The following MSL2 variants were observed in gnomAD, a reference collection of about 807,000 sequenced individuals.
MSL2 encodes MSL complex subunit 2, also known as E3 ubiquitin-protein ligase MSL2.
MSL2 carries 2 observed loss-of-function variants against 35.8 expected under a neutral mutation model. The ratio of observed to expected loss-of-function variants is 0.06; its 90% CI spans 0.02 to 0.18. The LOEUF (loss-of-function observed/expected upper bound fraction) is 0.18, where lower values mean the gene tolerates loss of function less well. Among genes scored for constraint, MSL2 ranks in the 10% least tolerant of loss-of-function variants. The pLI, the probability that MSL2 is intolerant of heterozygous loss-of-function variation, is 1.00. For missense variants in MSL2, 523 were observed against 706.7 expected, an observed-to-expected ratio of 0.74 and a Z score of 2.95; for synonymous variants, 296 against 255.7, an observed-to-expected ratio of 1.16 and a Z score of -1.50.
chr3:136,164,697 T>A (rs944758441), intron 1 of MSL2, among the ~76,000 whole-genome samples: 16 of 152,062 alleles, frequency 1.1e-4, no homozygotes, highest in African/African-American at 3.9e-4. Context: ...AAAAAATGCA[T>A]CTTATCCTAG....
intron 1 of MSL2, among the ~76,000 whole-genome samples, chr3:136,160,905 G>A (rs560462802): frequency 2.0e-5 from 3 of 151,496 alleles, no homozygotes; most frequent in Admixed American, 6.6e-5. Flanking sequence ...TGGCCGACAC[G>A]GTGAAACCCC....
intron 1 of MSL2, among the ~76,000 whole-genome samples, chr3:136,182,316 T>C (rs182113826): frequency 1.3e-4 from 20 of 152,364 alleles, no homozygotes; most frequent in Admixed American, 1.1e-3. Context: ...AGGTTTAGAA[T>C]GTGATCTTAT....
At chr3:136,178,988 T>TTTTTTTC (rs1553766938) in intron 1 of MSL2, among the ~76,000 whole-genome samples, 59 of 146,100 alleles carry the variant, frequency 4.0e-4, no homozygotes, top group African/African-American at 1.5e-3. Flanking sequence ...TCTTTTTTTT[T>TTTTTTTC]TTTTTTTTTT....
At chr3:136,193,927 G>C (rs1346347348) in intron 1 of MSL2, among the ~76,000 whole-genome samples, 2 of 152,212 alleles carry the variant, frequency 1.3e-5, no homozygotes, top group Non-Finnish European at 2.9e-5. Flanking sequence ...GATCTAGATA[G>C]AGAATGCTGG....
chr3:136,182,578 T>C (rs1295676881), intron 1 of MSL2, among the ~76,000 whole-genome samples: 2 of 152,014 alleles, frequency 1.3e-5, no homozygotes, highest in South Asian at 4.1e-4. Flanking sequence ...AAAGCTCCCC[T>C]GAATTGAGAA....
chr3:136,189,610 G>T (rs1439931612), intron 1 of MSL2, among the ~76,000 whole-genome samples: 2 of 150,942 alleles, frequency 1.3e-5, no homozygotes, highest in Non-Finnish European at 2.9e-5. Flanking sequence ...TGCAGTCCCA[G>T]CTACTCAGGA....
intron 1 of MSL2, among the ~76,000 whole-genome samples, chr3:136,161,625 A>T (rs1308860072): frequency 6.6e-6 from 1 of 152,242 alleles, no homozygotes; most frequent in East Asian, 1.9e-4. Context: ...TTATTGCATA[A>T]TTCCATTTAT....
At chr3:136,193,197 G>C (rs991580262) in intron 1 of MSL2, among the ~76,000 whole-genome samples, 2 of 152,136 alleles carry the variant, frequency 1.3e-5, no homozygotes, top group South Asian at 2.1e-4. Context: ...GTCCAGGTTA[G>C]AACTTGGGAA....
In MSL2 at chr3:136,149,209, G is replaced by A. The variant is rs573154155; in HGVS notation, c.*1938C>T. 2 of 151,956 alleles carry A rather than the reference G, an allele frequency of 1.3e-5. No homozygotes were observed. Among genetic ancestry groups the A allele is most frequent in the South Asian group, 4.2e-4 (2 of 4,796 alleles). The allele number at this position is 151,956 out of a possible 1,614,324, so 9.4% of individuals were successfully genotyped here. A position where few individuals can be genotyped will look rare whatever the true frequency, so the allele number is the denominator to read the frequency against. On this transcript the variant is annotated 3_prime_UTR_variant, in exon 2 of 2. Coordinates refer to ENST00000309993, the MANE Select transcript of MSL2 (RefSeq NM_018133.4). ...AAGATCATAATATTAGGAAAGTTTG[G>A]TCGATTTGCAAAATATATCCTCATC...
chr3:136,151,090 C>T lies in MSL2; in HGVS notation c.*57G>A. 6.4e-7 allele frequency: 1 copy of T among 1,560,798 alleles called. No individual in the cohort carries two copies. Among genetic ancestry groups the T allele is most frequent in the Non-Finnish European group, 8.7e-7 (1 of 1,146,464 alleles). On this transcript the variant is annotated 3_prime_UTR_variant, in exon 2 of 2. Coordinates refer to ENST00000309993, the MANE Select transcript of MSL2 (RefSeq NM_018133.4). This position sits in a 1 kb window ranked among gnomAD's most constrained non-coding sequence, Gnocchi z 5.2. ...GCAAGTTAAACCAACAGAACCATAG[C>T]TGCCGTAAAACTGTAGCTATTTCCC...
intron 1 of MSL2, among the ~76,000 whole-genome samples, chr3:136,170,337 G>A (rs1239244439): frequency 6.3e-5 from 7 of 111,114 alleles, no homozygotes; most frequent in Non-Finnish European, 1.3e-4. Context: ...TGGGAGACAA[G>A]AGCAAAAATC....
At chr3:136,167,651 G>A (rs1409657300) in intron 1 of MSL2, among the ~76,000 whole-genome samples, 1 of 151,998 alleles carries the variant, frequency 6.6e-6, no homozygotes, top group African/African-American at 2.4e-5. Context: ...GCCACTAACA[G>A]AAAGCAAAAA....
Position 136,150,008 on chromosome 3 carries a change from T to C in MSL2, c.*1139A>G, listed in dbSNP as rs1259766561. 4 of 152,644 alleles carry C rather than the reference T, an allele frequency of 2.6e-5. No individual in the cohort carries two copies. Among genetic ancestry groups the C allele is most frequent in the Non-Finnish European group, 5.9e-5 (4 of 68,044 alleles). The allele number at this position is 152,644 out of a possible 1,614,324, so 9.5% of individuals were successfully genotyped here. On this transcript the variant is annotated 3_prime_UTR_variant, in exon 2 of 2. Coordinates refer to ENST00000309993, the MANE Select transcript of MSL2 (RefSeq NM_018133.4). ...ACAGAATGTTTGTGACTCACTTGTC[T>C]TCCCCATAAAAATTAACCGGAAGAA...
Position 136,173,993 on chromosome 3 carries a change from A to C in MSL2, c.142+20979T>G, listed in dbSNP as rs142743926. ...TGCCTTGCATGGTCAATTCTTCTTC[A>C]AAAATCAATTCAAATATGACCTCCA... On this transcript the variant is annotated intron_variant, in intron 1 of 1. Transcript: ENST00000309993. Among the ~76,000 whole-genome samples, 19 of 152,288 alleles carry C rather than the reference A, an allele frequency of 1.2e-4. No homozygotes were observed. In the East Asian group the frequency reaches 3.5e-3, roughly 28 times the overall value.
Position 136,151,515 on chromosome 3 carries a change from G to A in MSL2, c.1366C>T (p.Pro456Ser). Residue 456 changes from proline (P) to serine (S), a missense_variant, in exon 2 of 2, where the codon CCC (proline) becomes TCC (serine). Transcript: ENST00000309993. This position sits in a 1 kb window ranked among gnomAD's most constrained non-coding sequence, Gnocchi z 5.2. ...GSPTKTVYKK[P>S]QEKKGCKCGR... The stretch of plus-strand genomic sequence containing the variant: ...CATTTACACCCTTTCTTTTCCTGGG[G>A]TTTTTTGTACACAGTCTTGGTAGGA... 1 of 1,614,158 alleles carries A rather than the reference G, an allele frequency of 6.2e-7. No individual in the cohort carries two copies. Among genetic ancestry groups the A allele is most frequent in the Non-Finnish European group, 8.5e-7 (1 of 1,180,036 alleles).
At chr3:136,185,450 T>G in intron 1 of MSL2, among the ~76,000 whole-genome samples, 1 of 149,004 alleles carries the variant, frequency 6.7e-6, no homozygotes, top group Non-Finnish European at 1.5e-5. Context: ...ACTATAGATA[T>G]GGACACAAAA....
rs533209284 is a variant in MSL2 at position 136,149,584 on chromosome 3, G to C, written c.*1563C>G. 1.6e-3 allele frequency: 78 copies of C among 49,142 alleles called. No homozygotes were observed. In the Middle Eastern group the frequency reaches 0.039, roughly 25 times the overall value. The allele number at this position is 49,142 out of a possible 1,614,324, so 3.0% of individuals were successfully genotyped here. A position where few individuals can be genotyped will look rare whatever the true frequency, so the allele number is the denominator to read the frequency against. ...AGCCCACCCCCACCCCACCAAAAGAGACCAAAAAAAAAAAAAGAAAAAAAA... is the reference window on the plus strand; with the variant it reads ...AGCCCACCCCCACCCCACCAAAAGACACCAAAAAAAAAAAAAGAAAAAAAA... On this transcript the variant is annotated 3_prime_UTR_variant, in exon 2 of 2. Transcript: ENST00000309993.
intron 1 of MSL2, among the ~76,000 whole-genome samples, chr3:136,163,747 C>T (rs529594124): frequency 6.6e-6 from 1 of 152,156 alleles, no homozygotes; most frequent in African/African-American, 2.4e-5. Context: ...ATAACTGAAT[C>T]ATGGGAGCAG....
chr3:136,186,802 A>G (rs1417180893), intron 1 of MSL2, among the ~76,000 whole-genome samples: 1 of 152,222 alleles, frequency 6.6e-6, no homozygotes, highest in Non-Finnish European at 1.5e-5. Flanking sequence ...CAATAAATGT[A>G]ATGTGCTTGA....
Sources: gnomAD v4.1 joint callset for allele counts (sites outside exome capture counted in the v4.1 genomes callset) on GRCh38, gnomAD v4.1.1 for gene constraint, Gnocchi (gnomAD v3.1) non-coding constraint, MANE v1.5 for transcripts, NCBI Gene and HGNC (gene_info 2026-07-23, HGNC 2026-07-21) for gene names.